Variants in LRRC74A observed in about 807,000 individuals in gnomAD.
LRRC74A encodes the protein leucine rich repeat containing 74A.
LRRC74A carries 44 observed loss-of-function variants against 57.9 expected under a neutral mutation model. The ratio of observed to expected loss-of-function variants is 0.76; its 90% CI spans 0.60 to 0.98. The LOEUF is 0.98. Ranked by LOEUF, LRRC74A falls within the 50% of genes least tolerant of loss-of-function variation. The pLI is 0.00. For synonymous variants in LRRC74A, 211 were observed against 219.4 expected (o/e 0.96, Z 0.34); for missense variants, 572 against 574.0 (o/e 1.00, Z 0.04).
intron 11 of LRRC74A, 64 bp downstream of exon 11, chr14:76,860,903 A>G: frequency 7.0e-7 from 1 of 1,434,036 alleles, no homozygotes; most frequent in Non-Finnish European, 9.5e-7. Context: ...CAATGGCTCC[A>G]AATCAGTTTC....
chr14:76,853,980 T>G (rs1349306395), intron 9 of LRRC74A, among the ~76,000 whole-genome samples: 1 of 151,866 alleles, frequency 6.6e-6, no homozygotes, highest in Non-Finnish European at 1.5e-5. Flanking sequence ...CCCCTCAGTC[T>G]CCTGTCTTTC....
chr14:76,837,768 C>T (rs1291686454), intron 4 of LRRC74A, 107 bp from the exon 5 acceptor site: 1 of 629,682 alleles, frequency 1.6e-6, no homozygotes, highest in African/African-American at 1.9e-5. Context: ...CCACCCCAAC[C>T]CTACTCCCTC....
At chr14:76,869,128 G>A (rs1425114675) in intron 13 of LRRC74A, among the ~76,000 whole-genome samples, 1 of 98,674 alleles carries the variant, frequency 1.0e-5, no homozygotes, top group Non-Finnish European at 2.3e-5. Context: ...CCTGCCCCGT[G>A]CCTCCTCACC....
At chr14:76,829,004 T>A in intron 2 of LRRC74A, 1 of 1,289,004 alleles carries the variant, frequency 7.8e-7, no homozygotes, top group Admixed American at 2.3e-5. Flanking sequence ...TTGATAAATC[T>A]AAGCATGCCT....
chr14:76,827,073 G>GA (rs541883448), intron 1 of LRRC74A, among the ~76,000 whole-genome samples: 161 of 152,042 alleles, frequency 1.1e-3, no homozygotes, highest in Middle Eastern at 3.4e-3. Flanking sequence ...GGTGTTGTTT[G>GA]TTTTTTTTCC....
intron 7 of LRRC74A, 104 bp from the exon 8 acceptor site, chr14:76,852,261 A>G: frequency 2.7e-6 from 2 of 737,242 alleles, no homozygotes; most frequent in Non-Finnish European, 4.3e-6. Flanking sequence ...TACTTGCATG[A>G]CCACTGAGTG....
At chr14:76,857,735 G>T (rs556964536) in intron 10 of LRRC74A, among the ~76,000 whole-genome samples, 19 of 152,310 alleles carry the variant, frequency 1.2e-4, no homozygotes, top group East Asian at 7.7e-4. Flanking sequence ...CCTGAGAGTA[G>T]AGATAAGAAA....
At chr14:76,829,172 C>T in intron 2 of LRRC74A, 1 of 1,289,436 alleles carries the variant, frequency 7.8e-7, no homozygotes. Context: ...GGGTCAGCCT[C>T]AAACTTCCCA....
intron 11 of LRRC74A, among the ~76,000 whole-genome samples, chr14:76,864,947 A>G (rs1898661417): frequency 1.3e-5 from 2 of 152,250 alleles, no homozygotes; most frequent in Non-Finnish European, 2.9e-5. Flanking sequence ...TAGGTTTAGT[A>G]GAAAGATGAG....
At chr14:76,867,983 T>C (rs1173566389) in intron 13 of LRRC74A, among the ~76,000 whole-genome samples, 1 of 152,164 alleles carries the variant, frequency 6.6e-6, no homozygotes, top group Non-Finnish European at 1.5e-5. Context: ...CTGAACTCCT[T>C]GAAGAGAGAG....
Position 76,870,218 on chromosome 14 carries a change from A to G in LRRC74A, c.*69A>G, listed in dbSNP as rs938220712. The G allele has an allele frequency of 2.6e-6, 4 of 1,523,362 alleles. No individual in the cohort carries two copies. Among genetic ancestry groups the G allele is most frequent in the Non-Finnish European group, 3.6e-6 (4 of 1,113,382 alleles). The allele number at this position is 1,523,362 out of a possible 1,614,324, so 94.4% of individuals were successfully genotyped here. A position where few individuals can be genotyped will look rare whatever the true frequency, so the allele number is the denominator to read the frequency against. Reference sequence around the variant, plus strand: ...CGCAAGTCGGATGGTGGCAGGGAGGAGAGCAAGAGGTGGCTGAAATCTCGA... The same window carrying G: ...CGCAAGTCGGATGGTGGCAGGGAGGGGAGCAAGAGGTGGCTGAAATCTCGA... On this transcript the variant is annotated 3_prime_UTR_variant, in exon 14 of 14. Transcript: ENST00000689127.
At chr14:76,838,227 C>A (rs1896508795) in intron 5 of LRRC74A, among the ~76,000 whole-genome samples, 1 of 152,148 alleles carries the variant, frequency 6.6e-6, no homozygotes, top group Non-Finnish European at 1.5e-5. Context: ...GAATAGGGAA[C>A]TATTAATTAA....
intron 7 of LRRC74A, among the ~76,000 whole-genome samples, chr14:76,851,489 C>G (rs1359306150): frequency 6.6e-6 from 1 of 152,098 alleles, no homozygotes. Flanking sequence ...TCCTGAGTAG[C>G]TGGGACTACA....
At chr14:76,861,575 T>C (rs1164368312) in intron 11 of LRRC74A, among the ~76,000 whole-genome samples, 10 of 152,252 alleles carry the variant, frequency 6.6e-5, no homozygotes, top group Non-Finnish European at 1.5e-4. Context: ...TTGTTTCTAA[T>C]GATAACTTGC....
At chr14:76,826,761 C>A in intron 1 of LRRC74A, 27 bp downstream of exon 1, 1 of 1,439,498 alleles carries the variant, frequency 6.9e-7, no homozygotes, top group Non-Finnish European at 9.3e-7. Context: ...TCTCTCACCA[C>A]TCAGGCCCGT....
chr14:76,863,030 A>G (rs139687553), intron 11 of LRRC74A, among the ~76,000 whole-genome samples: 2 of 152,290 alleles, frequency 1.3e-5, no homozygotes, highest in East Asian at 3.9e-4. Flanking sequence ...AGGAAACCAA[A>G]CAAGCACACT....
At chr14:76,866,437 G>A (rs1476109724) in intron 12 of LRRC74A, among the ~76,000 whole-genome samples, 2 of 152,144 alleles carry the variant, frequency 1.3e-5, no homozygotes, top group Non-Finnish European at 1.5e-5. Flanking sequence ...TTCCACCTTA[G>A]GAATCATTTT....
At chr14:76,854,066 C>T (rs1394203141) in intron 9 of LRRC74A, among the ~76,000 whole-genome samples, 4 of 152,116 alleles carry the variant, frequency 2.6e-5, no homozygotes, top group Admixed American at 2.6e-4. Context: ...AGCCTCAGTC[C>T]ACCCGGTGCT....
At chr14:76,827,003 G>A (rs778377582) in intron 1 of LRRC74A, among the ~76,000 whole-genome samples, 37 of 152,194 alleles carry the variant, frequency 2.4e-4, no homozygotes, top group Non-Finnish European at 3.2e-4. Flanking sequence ...TTTGAAATCA[G>A]TCACATTGGG....
Sources: gnomAD v4.1 joint callset for allele counts (sites outside exome capture counted in the v4.1 genomes callset) on GRCh38, gnomAD v4.1.1 for gene constraint, MANE v1.5 for transcripts, NCBI Gene and HGNC (gene_info 2026-07-23, HGNC 2026-07-21) for gene names.